SPRR2G: variants seen among roughly 807,000 people sequenced by gnomAD.
The protein encoded by SPRR2G is small proline rich protein 2G, also known as small proline-rich protein 2G.
SPRR2G carries 1 observed loss-of-function variant against 0.7 expected under a neutral mutation model. The ratio of observed to expected loss-of-function variants is 1.49; its 90% CI spans 0.53 to 7.06. SPRR2G has a LOEUF of 7.06. Ranked by LOEUF, SPRR2G falls within the 30% of genes most tolerant of loss-of-function variation. SPRR2G has a pLI of 0.14. For missense variants in SPRR2G, 96 were observed against 88.5 expected (o/e 1.09, Z -0.34); for synonymous variants, 38 against 33.9 (o/e 1.12, Z -0.42).
the SPRR2G span, among the ~76,000 whole-genome samples, chr1:153,197,634 A>T: frequency 1.3e-5 from 2 of 152,210 alleles, no homozygotes; most frequent in Non-Finnish European, 2.9e-5. Flanking sequence ...TATGAGACAG[A>T]AGACAGCATT....
the SPRR2G span, among the ~76,000 whole-genome samples, chr1:153,196,737 C>T: frequency 3.2e-3 from 493 of 152,372 alleles, 5 homozygotes; most frequent in African/African-American, 0.011. Context: ...CTGCTTTTCA[C>T]TGCCTTCCTT....
At chr1:153,152,968 GT>G (rs1478537685), upstream of SPRR2G, among the ~76,000 whole-genome samples, 1 of 152,170 alleles carries the variant, frequency 6.6e-6, no homozygotes, top group South Asian at 2.1e-4. Flanking sequence ...ACAAAGGACA[GT>G]TTTTTTATAG....
the SPRR2G span, among the ~76,000 whole-genome samples, chr1:153,180,102 A>G: frequency 6.6e-6 from 1 of 152,178 alleles, no homozygotes; most frequent in Non-Finnish European, 1.5e-5. Flanking sequence ...TTAACTGACT[A>G]AAATTGAAGT....
the SPRR2G span, among the ~76,000 whole-genome samples, chr1:153,156,401 T>A: frequency 6.6e-6 from 1 of 152,226 alleles, no homozygotes; most frequent in South Asian, 2.1e-4. Context: ...TGCATGTGAT[T>A]GCTGAATAAC....
the SPRR2G span, among the ~76,000 whole-genome samples, chr1:153,184,825 G>GA: frequency 6.6e-6 from 1 of 152,210 alleles, no homozygotes; most frequent in African/African-American, 2.4e-5. Context: ...CATTCAGTAT[G>GA]ATACTGGCTA....
the SPRR2G span, among the ~76,000 whole-genome samples, chr1:153,199,263 G>C: frequency 6.6e-6 from 1 of 152,200 alleles, no homozygotes; most frequent in Admixed American, 6.5e-5. Flanking sequence ...TCCTGTCCAA[G>C]AGGTGAAGAT....
the SPRR2G span, among the ~76,000 whole-genome samples, chr1:153,164,421 T>C: frequency 2.6e-5 from 4 of 152,276 alleles, no homozygotes; most frequent in African/African-American, 9.6e-5. Context: ...TGCTGATGGG[T>C]GGTCAGAAGC....
At chr1:153,171,552 A>T in the SPRR2G span, among the ~76,000 whole-genome samples, 5 of 152,142 alleles carry the variant, frequency 3.3e-5, no homozygotes, top group African/African-American at 1.2e-4. Context: ...CCAGCCTACC[A>T]CCACTCACCA....
At chr1:153,165,899 C>T in the SPRR2G span, among the ~76,000 whole-genome samples, 1 of 152,144 alleles carries the variant, frequency 6.6e-6, no homozygotes, top group East Asian at 1.9e-4. Context: ...CTTCATGGCC[C>T]CACCAATAGC....
At chr1:153,155,037 T>C (rs1489587551), upstream of SPRR2G, among the ~76,000 whole-genome samples, 1 of 152,132 alleles carries the variant, frequency 6.6e-6, no homozygotes, top group African/African-American at 2.4e-5. Context: ...GCTTAATCTT[T>C]CTCCTCCTTG....
chr1:153,196,108 T>C, the SPRR2G span, among the ~76,000 whole-genome samples: 1 of 152,254 alleles, frequency 6.6e-6, no homozygotes, highest in African/African-American at 2.4e-5. Flanking sequence ...AAATTGTAAG[T>C]GTATTAATAC....
chr1:153,166,128 C>G, the SPRR2G span, among the ~76,000 whole-genome samples: 1 of 152,170 alleles, frequency 6.6e-6, no homozygotes, highest in Non-Finnish European at 1.5e-5. Context: ...CCTTCTCTGC[C>G]CAGTCTCTTT....
the SPRR2G span, among the ~76,000 whole-genome samples, chr1:153,185,518 T>A: frequency 1.3e-5 from 2 of 152,070 alleles, no homozygotes; most frequent in Non-Finnish European, 2.9e-5. Flanking sequence ...GTGTTTATAG[T>A]GTTCTCTGAT....
At chr1:153,184,167 T>C in the SPRR2G span, among the ~76,000 whole-genome samples, 2 of 152,240 alleles carry the variant, frequency 1.3e-5, no homozygotes, top group Non-Finnish European at 2.9e-5. Context: ...CCTCCAGCTT[T>C]ATTCTTTTTG....
the SPRR2G span, among the ~76,000 whole-genome samples, chr1:153,160,244 C>A: frequency 6.6e-6 from 1 of 152,124 alleles, no homozygotes; most frequent in Admixed American, 6.6e-5. Flanking sequence ...GGGTTTCCTT[C>A]TTTTCTAAGG....
chr1:153,187,898 C>A, the SPRR2G span, among the ~76,000 whole-genome samples: 16 of 152,040 alleles, frequency 1.1e-4, no homozygotes, highest in African/African-American at 3.9e-4. Context: ...AGTGGGTGTC[C>A]TTTTTGTTGA....
the SPRR2G span, among the ~76,000 whole-genome samples, chr1:153,186,092 T>C: frequency 6.6e-6 from 1 of 152,226 alleles, no homozygotes; most frequent in Admixed American, 6.5e-5. Context: ...TTTGTTATAA[T>C]TTCCATTCTT....
the SPRR2G span, among the ~76,000 whole-genome samples, chr1:153,169,392 C>T: frequency 7.9e-5 from 12 of 151,996 alleles, no homozygotes; most frequent in African/African-American, 2.9e-4. Flanking sequence ...GGTGAAATCC[C>T]ATCTCTACTA....
At chr1:153,150,519 T>G (rs889735401) in intron 1 of SPRR2G, among the ~76,000 whole-genome samples, 1 of 151,530 alleles carries the variant, frequency 6.6e-6, no homozygotes, top group Non-Finnish European at 1.5e-5. Flanking sequence ...GAGCCATGAG[T>G]TTTTTAAGAG....
Sources: gnomAD v4.1 joint callset for allele counts (sites outside exome capture counted in the v4.1 genomes callset) on GRCh38, gnomAD v4.1.1 for gene constraint, MANE v1.5 for transcripts, NCBI Gene and HGNC (gene_info 2026-07-23, HGNC 2026-07-21) for gene names.